SMG5: variants seen among roughly 807,000 people sequenced by gnomAD.
SMG5 encodes nonsense-mediated mRNA decay factor SMG5.
Under a neutral mutation model 122.9 loss-of-function variants are expected in SMG5, and 53 were observed. That is an observed-to-expected ratio of 0.43 (90% CI 0.35 to 0.54). SMG5 has a LOEUF of 0.54. SMG5 is among the 20% of genes least tolerant of loss of function. The probability of loss-of-function intolerance (pLI) is 0.01; values close to 1 mark genes in which losing one functional copy is unlikely to be tolerated. For missense variants in SMG5, 1,153 were observed against 1,285.6 expected, an observed-to-expected ratio of 0.90 and a Z score of 1.58; for synonymous variants, 477 against 490.2, an observed-to-expected ratio of 0.97 and a Z score of 0.35.
chr1:156,279,036 T>G lies in SMG5; in HGVS notation c.75-2A>C. On this transcript the variant is annotated splice_acceptor_variant, in intron 1 of 21. Coordinates refer to ENST00000361813, the MANE Select transcript of SMG5 (RefSeq NM_015327.3). LOFTEE classifies it high-confidence loss of function. ...CGATGCACAGCCTCCACCACAGCCCTGTAGGGAAATACAGGCAAATATCCC... is the reference window on the plus strand; with the variant it reads ...CGATGCACAGCCTCCACCACAGCCCGGTAGGGAAATACAGGCAAATATCCC... The G allele has an allele frequency of 6.2e-7, 1 of 1,613,678 alleles. No individual in the cohort carries two copies. Among genetic ancestry groups the G allele is most frequent in the Non-Finnish European group, 8.5e-7 (1 of 1,179,600 alleles).
chr1:156,253,866 C>T (rs553810050), intron 16 of SMG5: 5 of 322,514 alleles, frequency 1.6e-5, no homozygotes, highest in Non-Finnish European at 6.1e-6. Context: ...CATGCACTTC[C>T]TCACCTTCTA....
chr1:156,281,604 T>G (rs981304433), intron 1 of SMG5, among the ~76,000 whole-genome samples: 6 of 152,232 alleles, frequency 3.9e-5, no homozygotes, highest in Non-Finnish European at 8.8e-5. Context: ...AACATGCTCT[T>G]GACTCTTTCA....
At chr1:156,277,796 G>A in intron 3 of SMG5, 129 bp downstream of exon 3, 1 of 1,227,370 alleles carries the variant, frequency 8.1e-7, no homozygotes, top group Non-Finnish European at 1.2e-6. Context: ...ACACGCATGA[G>A]CCACCGTGCC....
intron 16 of SMG5, 147 bp downstream of exon 16, chr1:156,258,858 C>T: frequency 5.2e-6 from 5 of 960,856 alleles, no homozygotes; most frequent in South Asian, 1.8e-5. Flanking sequence ...CCTTCCCAGG[C>T]CTCCCTCCCA....
intron 21 of SMG5, 26 bp downstream of exon 21, chr1:156,250,832 A>G: frequency 6.2e-7 from 1 of 1,612,564 alleles, no homozygotes; most frequent in Non-Finnish European, 8.5e-7. Flanking sequence ...ATTCCACACC[A>G]TCCCCCCACC....
intron 1 of SMG5, among the ~76,000 whole-genome samples, 173 bp downstream of exon 1, chr1:156,282,434 C>T (rs934561216): frequency 1.3e-5 from 2 of 152,312 alleles, no homozygotes; most frequent in African/African-American, 4.8e-5. Context: ...CCAATTCCTC[C>T]TTTCAGTTCC....
chr1:156,251,259 C>G, intron 20 of SMG5, 144 bp downstream of exon 20: 1 of 1,045,154 alleles, frequency 9.6e-7, no homozygotes, highest in South Asian at 1.4e-5. Context: ...TCGTACTCCT[C>G]GCAAGGTGAG....
At chr1:156,276,600 G>A (rs1662696282) in intron 4 of SMG5, among the ~76,000 whole-genome samples, 1 of 152,222 alleles carries the variant, frequency 6.6e-6, no homozygotes. Context: ...TGGCTGAACT[G>A]AAGAGAAAAC....
Position 156,267,491 on chromosome 1 carries a change from C to A in SMG5, c.1096G>T (p.Val366Leu), listed in dbSNP as rs1222672695. The stretch of plus-strand genomic sequence containing the variant: ...TTACCTGCTCTCTCCAAGCTGTGCA[C>A]ACACATAAGGCAGATGATGACCATT... ...FQMVIICLMCVHSLERAGSKQ... is the reference protein window; with the variant it reads ...FQMVIICLMCLHSLERAGSKQ... Residue 366 changes from valine (V) to leucine (L), a missense_variant, in exon 10 of 22, where the codon GTG becomes TTG. Around this residue, in one of 5 missense-constraint regions of SMG5, gnomAD observed 631 missense variants for 650.6 expected, o/e 0.97. Coordinates refer to ENST00000361813, the MANE Select transcript of SMG5 (RefSeq NM_015327.3). The A allele has an allele frequency of 6.2e-7, 1 of 1,613,998 alleles. No homozygotes were observed. The highest frequency in any genetic ancestry group is 2.2e-5 in the East Asian group (1 of 44,906).
chr1:156,267,088 C>T (rs1662186236), intron 10 of SMG5, among the ~76,000 whole-genome samples: 2 of 152,174 alleles, frequency 1.3e-5, no homozygotes, highest in Non-Finnish European at 1.5e-5. Context: ...CCCTCCTTAC[C>T]TCCCAATCTT....
chr1:156,264,737 T>C (rs1332800077), intron 12 of SMG5, among the ~76,000 whole-genome samples: 1 of 151,908 alleles, frequency 6.6e-6, no homozygotes, highest in Non-Finnish European at 1.5e-5. Flanking sequence ...GTATAAAAGT[T>C]TGGAGGGGCT....
Position 156,265,863 on chromosome 1 carries a change from G to A in SMG5, c.1773C>T (p.Leu591=), listed in dbSNP as rs112894581. 13 of 1,614,236 alleles carry A rather than the reference G, an allele frequency of 8.1e-6. No homozygotes were observed. Among genetic ancestry groups the A allele is most frequent in the South Asian group, 1.1e-5 (1 of 91,080 alleles). ...FRLAPTFSNL[L]LQPTTNPHTS... ...TATGAGGGTTGGTGGTGGGCTGGAG[G>A]AGCAGGTTGCTAAAGGTGGGGGCCA... Residue 591 remains leucine, a synonymous_variant, in exon 12 of 22, where the codon CTC becomes CTT. Transcript: ENST00000361813.
At chr1:156,286,024 T>A (rs1558251295), upstream of SMG5, 1 of 1,571,898 alleles carries the variant, frequency 6.4e-7, no homozygotes. Flanking sequence ...GAAGTGGACT[T>A]GAGGAGGGCA....
At chr1:156,264,488 A>G (rs1175035889) in intron 12 of SMG5, among the ~76,000 whole-genome samples, 1 of 152,102 alleles carries the variant, frequency 6.6e-6, no homozygotes, top group Non-Finnish European at 1.5e-5. Context: ...CCTGCCCTCA[A>G]GCAGTTCAGA....
chr1:156,275,777 T>C (rs1408749618), intron 4 of SMG5, among the ~76,000 whole-genome samples: 3 of 151,958 alleles, frequency 2.0e-5, no homozygotes, highest in Admixed American at 6.6e-5. Flanking sequence ...CCTATGGACA[T>C]GGTCCCAGAA....
chr1:156,265,174 A>G (rs1455874947), intron 12 of SMG5, among the ~76,000 whole-genome samples: 3 of 151,786 alleles, frequency 2.0e-5, no homozygotes, highest in Non-Finnish European at 4.4e-5. Context: ...CAGTGAGCCA[A>G]GATGGCGCCA....
At chr1:156,284,398 AT>A (rs1347609212), upstream of SMG5, 1 of 152,190 alleles carries the variant, frequency 6.6e-6, no homozygotes, top group Non-Finnish European at 1.5e-5. Flanking sequence ...CCTCCACTCC[AT>A]ATGGAAAGTA....
intron 16 of SMG5, among the ~76,000 whole-genome samples, chr1:156,256,074 C>G (rs1183719791): frequency 6.6e-6 from 1 of 152,148 alleles, no homozygotes; most frequent in East Asian, 1.9e-4. Context: ...ACATGACAGT[C>G]AAACATACTG....
chr1:156,269,142 G>C (rs1479424272), intron 7 of SMG5, among the ~76,000 whole-genome samples: 2 of 151,968 alleles, frequency 1.3e-5, no homozygotes, highest in East Asian at 3.9e-4. Flanking sequence ...GCTCATTTTT[G>C]TATTTTTAGT....
Sources: allele counts gnomAD v4.1 joint callset (sites outside exome capture counted in the v4.1 genomes callset), GRCh38; gene constraint gnomAD v4.1.1; regional missense constraint gnomAD v4.1.1; transcripts MANE v1.5; gene names NCBI Gene and HGNC (gene_info 2026-07-23, HGNC 2026-07-21).